EDARADD: variants seen among roughly 807,000 people sequenced by gnomAD.
EDARADD encodes the protein EDAR associated via death domain, also known as ectodysplasin-A receptor-associated adapter protein.
In EDARADD, 20 loss-of-function variants were observed where a neutral mutation model predicts 25.6. The ratio of observed to expected loss-of-function variants is 0.78; its 90% CI spans 0.55 to 1.14. The LOEUF (loss-of-function observed/expected upper bound fraction) is 1.14, where lower values mean the gene tolerates loss of function less well. Among genes scored for constraint, EDARADD ranks in the 50% most tolerant of loss-of-function variants. The pLI is 0.00. For missense variants in EDARADD, 225 were observed against 270.1 expected, an observed-to-expected ratio of 0.83 and a Z score of 1.17; for synonymous variants, 86 against 94.4, an observed-to-expected ratio of 0.91 and a Z score of 0.52.
intron 4 of EDARADD, among the ~76,000 whole-genome samples, chr1:236,446,268 A>G (rs946592430): frequency 5.9e-5 from 9 of 152,046 alleles, no homozygotes; most frequent in Non-Finnish European, 1.3e-4. Context: ...GTAGTTCAGT[A>G]TTTTTCAAAC....
chr1:236,406,273 C>T (rs1316143178), intron 1 of EDARADD, among the ~76,000 whole-genome samples: 1 of 152,038 alleles, frequency 6.6e-6, no homozygotes, highest in African/African-American at 2.4e-5. Flanking sequence ...TAGGAACCAG[C>T]GTGTGAGAAG....
intron 1 of EDARADD, among the ~76,000 whole-genome samples, chr1:236,399,152 T>A (rs193242581): frequency 1.3e-5 from 2 of 152,304 alleles, no homozygotes; most frequent in East Asian, 3.9e-4. Flanking sequence ...TGTATATGAT[T>A]ATAGTATATT....
At position 236,377,719 on chromosome 1, in the gene EDARADD, A is replaced by G. The variant is rs183560424; in HGVS notation, c.-6+26880A>G. On this transcript the variant is annotated intron_variant, in intron 3 of 7. Transcript: ENST00000439430. Reference sequence around the variant, plus strand: ...CTAAAAATACAAAAATTAGCTGGGCATGGTGGCGCATGTCTGTAGTCCCAG... The same window carrying G: ...CTAAAAATACAAAAATTAGCTGGGCGTGGTGGCGCATGTCTGTAGTCCCAG... Among the ~76,000 whole-genome samples, 666 of 151,678 alleles carry G rather than the reference A, an allele frequency of 4.4e-3. 5 individuals carry two copies. The highest frequency in any genetic ancestry group is 0.013 in the African/African-American group (526 of 41,380).
chr1:236,396,700 T>A (rs1667521226), intron 1 of EDARADD, among the ~76,000 whole-genome samples: 1 of 152,064 alleles, frequency 6.6e-6, no homozygotes, highest in Non-Finnish European at 1.5e-5. Context: ...ATCTACCTTT[T>A]TTTTTTTTAA....
At chr1:236,351,968 G>C (rs1386629513) in intron 3 of EDARADD, among the ~76,000 whole-genome samples, 3 of 152,100 alleles carry the variant, frequency 2.0e-5, no homozygotes, top group Non-Finnish European at 4.4e-5. Context: ...TCCCAGAACT[G>C]TCATGGCGCT....
chr1:236,482,432 G>A lies in EDARADD; in HGVS notation c.431G>A (p.Ser144Asn). 6.2e-7 allele frequency: 1 copy of A among 1,614,230 alleles called. No homozygotes were observed. The highest frequency in any genetic ancestry group is 8.5e-7 in the Non-Finnish European group (1 of 1,180,048). ...GTGAAAAACTGGAGGAATTTTGCAA[G>A]CAAATGGGGGATGTCCTATGACGAA... ...PTVKNWRNFA[S>N]KWGMSYDELC... The change falls in exon 6 of 6, where the codon AGC (serine) becomes AAC (asparagine). Residue 144 changes from serine (S) to asparagine (N), a missense_variant. Physicochemically the swap from Ser to Asn is conservative, Grantham distance 46 (BLOSUM62 1). Coordinates refer to ENST00000334232, the MANE Select transcript of EDARADD (RefSeq NM_145861.4).
intron 3 of EDARADD, among the ~76,000 whole-genome samples, chr1:236,371,884 T>C (rs1047004253): frequency 6.6e-6 from 1 of 151,858 alleles, no homozygotes; most frequent in African/African-American, 2.4e-5. Flanking sequence ...AGATGTTCTT[T>C]ATGAAGTTGA....
intron 4 of EDARADD, among the ~76,000 whole-genome samples, chr1:236,467,092 A>AC (rs1396798500): frequency 2.0e-5 from 3 of 148,918 alleles, no homozygotes; most frequent in Non-Finnish European, 4.5e-5. Flanking sequence ...CAAAAAAAAA[A>AC]CACACATTGA....
Position 236,473,205 on chromosome 1 carries a change from G to A in EDARADD, c.265+4929G>A, listed in dbSNP as rs188940920. 3.3e-5 allele frequency among the ~76,000 whole-genome samples: 5 copies of A among 152,318 alleles called. No individual in the cohort carries two copies. In the East Asian group the frequency reaches 9.6e-4, roughly 29 times the overall value. On this transcript the variant is annotated intron_variant, in intron 5 of 5. Transcript: ENST00000334232. ...CAAAATCAGTAAGTCATTTTATATGGTGGTAGGTGCCTTGAGGAAGATGAG... is the reference window on the plus strand; with the variant it reads ...CAAAATCAGTAAGTCATTTTATATGATGGTAGGTGCCTTGAGGAAGATGAG...
chr1:236,434,950 T>C (rs12065443), intron 4 of EDARADD, among the ~76,000 whole-genome samples: 8,023 of 152,188 alleles, frequency 0.053, 621 homozygotes, highest in African/African-American at 0.17. Context: ...ATCAGATGTG[T>C]GTGTGTTGTT....
At chr1:236,447,215 T>TCTTTCTTTCTTTCTTTCTTTCTTTCTTTC (rs1558127454) in intron 4 of EDARADD, among the ~76,000 whole-genome samples, 1 of 52,764 alleles carries the variant, frequency 1.9e-5, no homozygotes, top group African/African-American at 5.7e-5. Context: ...TTTCTTTCTT[T>TCTTTCTTTCTTTCTTTCTTTCTTTCTTTC]CTTTCTTTCC....
intron 2 of EDARADD, among the ~76,000 whole-genome samples, chr1:236,349,738 G>A (rs1056859348): frequency 1.3e-5 from 2 of 151,942 alleles, no homozygotes; most frequent in Admixed American, 6.6e-5. Context: ...GTTTCTTATC[G>A]GACCTCAAAG....
chr1:236,398,661 G>T lies in EDARADD; in HGVS notation c.61+4156G>T, dbSNP rs1490399239. ...GGCCTTTGCAAACTTTGTTCCTGCG[G>T]CCTGGAAGGACCCCTGCATTCCAGC... On this transcript the variant is annotated intron_variant, in intron 1 of 5. Transcript: ENST00000334232. The surrounding 1 kb of genome is among the most constrained non-coding windows in gnomAD (Gnocchi z 4.1). 6.6e-6 allele frequency among the ~76,000 whole-genome samples: 1 copy of T among 152,126 alleles called. No individual in the cohort carries two copies. The highest frequency in any genetic ancestry group is 2.4e-5 in the African/African-American group (1 of 41,420).
rs61736812 is a variant in EDARADD, at chr1:236,484,088, G to A, written c.*1439G>A. 746 of 1,575,426 alleles carry A rather than the reference G, an allele frequency of 4.7e-4. 5 individuals are homozygous for A. In the African/African-American group the frequency reaches 8.7e-3, roughly 18 times the overall value. On this transcript the variant is annotated 3_prime_UTR_variant, in exon 6 of 6. Coordinates refer to ENST00000334232, the MANE Select transcript of EDARADD (RefSeq NM_145861.4). This position sits in a 1 kb window ranked among gnomAD's most constrained non-coding sequence, Gnocchi z 4.1. ...ACTGGGGAGCTTGGCAGAAGTTCAC[G>A]GCCAGTGCAGGAATCCAGGTAGTGG... is the stretch of plus-strand genomic sequence containing the variant.
intron 3 of EDARADD, among the ~76,000 whole-genome samples, chr1:236,372,122 A>G (rs1323237764): frequency 6.8e-6 from 1 of 147,472 alleles, no homozygotes; most frequent in Non-Finnish European, 1.5e-5. Flanking sequence ...ACACCTGGCT[A>G]ATTTTGTATT....
chr1:236,417,895 T>C (rs1224634890), intron 3 of EDARADD, among the ~76,000 whole-genome samples: 2 of 152,112 alleles, frequency 1.3e-5, no homozygotes, highest in Admixed American at 1.3e-4. Context: ...AAAAAAATGT[T>C]ATAGTGTATT....
At chr1:236,377,922 T>G (rs919999011) in intron 3 of EDARADD, among the ~76,000 whole-genome samples, 4 of 152,106 alleles carry the variant, frequency 2.6e-5, no homozygotes, top group Admixed American at 1.3e-4. Flanking sequence ...TGTCTTATAA[T>G]TTTTTCTTAA....
chr1:236,430,902 G>A (rs1042226318), intron 4 of EDARADD, among the ~76,000 whole-genome samples: 1 of 152,204 alleles, frequency 6.6e-6, no homozygotes, highest in East Asian at 1.9e-4. Flanking sequence ...TGGATCACGA[G>A]GTCAGGAGTT....
At chr1:236,445,237 T>TTTTTTTTTTTGTTG (rs1381960263) in intron 4 of EDARADD, among the ~76,000 whole-genome samples, 1,410 of 109,588 alleles carry the variant, frequency 0.013, 65 homozygotes, top group African/African-American at 0.036. Context: ...ATAAATTCTT[T>TTTTTTTTTTTGTTG]TTTTTTTTGA....
Sources: gnomAD v4.1 joint callset for allele counts (sites outside exome capture counted in the v4.1 genomes callset) on GRCh38, gnomAD v4.1.1 for gene constraint, Gnocchi (gnomAD v3.1) non-coding constraint, MANE v1.5 for transcripts, NCBI Gene and HGNC (gene_info 2026-07-23, HGNC 2026-07-21) for gene names.